RAD52: variants seen among roughly 807,000 people sequenced by gnomAD.
RAD52 encodes DNA repair protein RAD52 homolog.
Under a neutral mutation model 55.5 loss-of-function variants are expected in RAD52, and 47 were observed. The ratio of observed to expected loss-of-function variants is 0.85; its 90% CI spans 0.67 to 1.08. The LOEUF (loss-of-function observed/expected upper bound fraction) is 1.08, where lower values mean the gene tolerates loss of function less well. Among genes scored for constraint, RAD52 ranks in the 50% least tolerant of loss-of-function variants. The probability of loss-of-function intolerance (pLI) is 0.00; values close to 1 mark genes in which losing one functional copy is unlikely to be tolerated. For missense variants in RAD52, 468 were observed against 522.8 expected (o/e 0.90, Z 1.02); for synonymous variants, 184 against 198.9 (o/e 0.92, Z 0.63).
At chr12:969,396 T>G (rs1958811220) in intron 1 of RAD52, among the ~76,000 whole-genome samples, 1 of 152,092 alleles carries the variant, frequency 6.6e-6, no homozygotes, top group South Asian at 2.1e-4. Flanking sequence ...ACTAATTGTA[T>G]TATATTTGTC....
intron 1 of RAD52, among the ~76,000 whole-genome samples, chr12:971,395 A>T (rs888563089): frequency 6.6e-6 from 1 of 152,130 alleles, no homozygotes; most frequent in South Asian, 2.1e-4. Flanking sequence ...TATAGGACTT[A>T]GAATCGTGAA....
chr12:959,702 A>G (rs1232782113), intron 1 of RAD52, among the ~76,000 whole-genome samples: 1 of 152,182 alleles, frequency 6.6e-6, no homozygotes, highest in Non-Finnish European at 1.5e-5. Context: ...AAACCTTCAT[A>G]AGGTGTTCTC....
chr12:968,891 T>G (rs1958804050), intron 1 of RAD52, among the ~76,000 whole-genome samples: 2 of 151,984 alleles, frequency 1.3e-5, no homozygotes, highest in African/African-American at 2.4e-5. Flanking sequence ...GTTGAATAAA[T>G]AAAGAATTGG....
chr12:965,927 T>A (rs4606532), intron 1 of RAD52, among the ~76,000 whole-genome samples: 45 of 152,080 alleles, frequency 3.0e-4, no homozygotes, highest in Non-Finnish European at 4.9e-4. Context: ...CTCATGATCC[T>A]CCCGCCTTGG....
At chr12:922,709 ACCTATAATCTCAG>A (rs1956803858) in intron 7 of RAD52, among the ~76,000 whole-genome samples, 2 of 150,562 alleles carry the variant, frequency 1.3e-5, no homozygotes, top group Admixed American at 1.3e-4. Flanking sequence ...AGACACATAT[ACCTATAATCTCAG>A]CACTTAAGGA....
intron 1 of RAD52, among the ~76,000 whole-genome samples, chr12:967,817 T>C (rs1958791556): frequency 6.6e-6 from 1 of 151,898 alleles, no homozygotes; most frequent in African/African-American, 2.4e-5. Flanking sequence ...ACGTCTGTAG[T>C]CCCAGCTATT....
At chr12:964,558 CA>C (rs780227619) in intron 1 of RAD52, among the ~76,000 whole-genome samples, 1 of 151,266 alleles carries the variant, frequency 6.6e-6, no homozygotes. Context: ...AACAACAACA[CA>C]AAAAAAACAA....
intron 1 of RAD52, among the ~76,000 whole-genome samples, chr12:957,893 A>G (rs16932071): frequency 0.024 from 3,603 of 152,380 alleles, 153 homozygotes; most frequent in African/African-American, 0.083. Context: ...GTTACCAGGA[A>G]TATTTTTCTG....
rs545221652 is a variant in RAD52 at position 922,625 on chromosome 12, C to T, written c.543+2825G>A. 2.6e-5 allele frequency among the ~76,000 whole-genome samples: 4 copies of T among 152,152 alleles called. No homozygotes were observed. In the East Asian group the frequency reaches 5.8e-4, roughly 22 times the overall value. On this transcript the variant is annotated intron_variant, in intron 7 of 11. Coordinates refer to ENST00000358495, the MANE Select transcript of RAD52 (RefSeq NM_134424.4). The stretch of plus-strand genomic sequence containing the variant: ...TGCTAGCTAAGTGAAATAAGCCAGT[C>T]ACAAAAAGCAAAAATTATGTGATTC...
chr12:943,561 C>T (rs1184050237), intron 1 of RAD52, among the ~76,000 whole-genome samples: 13 of 152,130 alleles, frequency 8.5e-5, no homozygotes, highest in Non-Finnish European at 1.9e-4. Context: ...ATTGCTCAGG[C>T]TGGTCTCGAA....
Position 913,374 on chromosome 12 carries a change from T to G in RAD52, c.*17A>C, listed in dbSNP as rs779506339. 2 of 1,577,132 alleles carry G rather than the reference T, an allele frequency of 1.3e-6. No homozygotes were observed. The highest frequency in any genetic ancestry group is 4.5e-5 in the East Asian group (2 of 44,578). On this transcript the variant is annotated 3_prime_UTR_variant, in exon 12 of 12. Transcript: ENST00000358495. ...GTCCCTTTGTGACAGAGTCCAATTA[T>G]GTGGCCTGAGCCTCAGTTAAGATGG...
At chr12:941,548 C>T (rs1957921368) in intron 1 of RAD52, among the ~76,000 whole-genome samples, 1 of 152,102 alleles carries the variant, frequency 6.6e-6, no homozygotes, top group Non-Finnish European at 1.5e-5. Context: ...AAACTCCTGA[C>T]CTCAGGTGAT....
chr12:915,510 A>G (rs886542148), intron 9 of RAD52, among the ~76,000 whole-genome samples: 36 of 152,208 alleles, frequency 2.4e-4, no homozygotes, highest in Non-Finnish European at 4.6e-4. Flanking sequence ...TCTCTGAGTA[A>G]GGACTACCTA....
At chr12:915,540 G>A (rs960250818) in intron 9 of RAD52, among the ~76,000 whole-genome samples, 1 of 152,192 alleles carries the variant, frequency 6.6e-6, no homozygotes, top group African/African-American at 2.4e-5. Context: ...GGGCAGGAGA[G>A]AACAGGTGGG....
At chr12:929,491 GT>G (rs1438395780) in intron 5 of RAD52, among the ~76,000 whole-genome samples, 1 of 152,174 alleles carries the variant, frequency 6.6e-6, no homozygotes, top group Non-Finnish European at 1.5e-5. Flanking sequence ...CTAAAGTTGA[GT>G]TTCCAAACAC....
chr12:938,296 G>T (rs1310065162), intron 1 of RAD52, among the ~76,000 whole-genome samples: 1 of 152,170 alleles, frequency 6.6e-6, no homozygotes, highest in African/African-American at 2.4e-5. Context: ...CAAACAAGTT[G>T]AAATCTACAA....
In RAD52 at chr12:914,534, T is replaced by C. The variant is rs1483927679; in HGVS notation, c.866-2A>G. Reference sequence around the variant, plus strand: ...TCACAGGAGGGGCCGGAGGCGCTGCTACGGTTCACAGAGGAGAGAAAGGAC... The same window carrying C: ...TCACAGGAGGGGCCGGAGGCGCTGCCACGGTTCACAGAGGAGAGAAAGGAC... On this transcript the variant is annotated splice_acceptor_variant, in intron 9 of 11. Coordinates refer to ENST00000358495, the MANE Select transcript of RAD52 (RefSeq NM_134424.4). LOFTEE classifies it high-confidence loss of function. 6.2e-7 allele frequency: 1 copy of C among 1,613,254 alleles called. No homozygotes were observed. Among genetic ancestry groups the C allele is most frequent in the Non-Finnish European group, 8.5e-7 (1 of 1,179,844 alleles).
chr12:964,608 C>T (rs1159034039), intron 1 of RAD52, among the ~76,000 whole-genome samples: 3 of 151,980 alleles, frequency 2.0e-5, no homozygotes, highest in African/African-American at 4.8e-5. Flanking sequence ...CAGACAATAG[C>T]GGCTCTGCTG....
chr12:921,037 T>A (rs1956698591), intron 7 of RAD52, among the ~76,000 whole-genome samples: 1 of 152,068 alleles, frequency 6.6e-6, no homozygotes, highest in African/African-American at 2.4e-5. Flanking sequence ...ACCACACTCT[T>A]AAAGTCAAAG....
Sources: gnomAD v4.1 joint callset for allele counts (sites outside exome capture counted in the v4.1 genomes callset) on GRCh38, gnomAD v4.1.1 for gene constraint, MANE v1.5 for transcripts, NCBI Gene and HGNC (gene_info 2026-07-23, HGNC 2026-07-21) for gene names.